The following PDGFRB variants were observed in gnomAD, a reference collection of about 807,000 sequenced individuals.
The protein encoded by PDGFRB is platelet-derived growth factor receptor beta.
A neutral mutation model predicts 120.2 loss-of-function variants in PDGFRB; 42 were observed. That is an observed-to-expected ratio of 0.35 (90% CI 0.27 to 0.45). The LOEUF (loss-of-function observed/expected upper bound fraction) is 0.45, where lower values mean the gene tolerates loss of function less well. PDGFRB is among the 20% of genes least tolerant of loss of function. The pLI is 1.00. For synonymous variants in PDGFRB, 586 were observed against 606.8 expected (o/e 0.97, Z 0.50); for missense variants, 1,149 against 1,476.3 (o/e 0.78, Z 3.63).
In PDGFRB at chr5:150,118,802, G is replaced by T; in HGVS notation, c.2849C>A (p.Pro950His). The T allele has an allele frequency of 1.9e-6, 3 of 1,613,642 alleles. No individual in the cohort carries two copies. The South Asian group carries it at 3.3e-5, about 18-fold the overall frequency. Residue 950 changes from proline (P) to histidine (H), a missense_variant, in exon 21 of 23, where the codon CCC (proline) becomes CAC (histidine). Coordinates refer to ENST00000261799, the MANE Select transcript of PDGFRB (RefSeq NM_002609.4). The part of the protein sequence containing the change: ...CWEEKFEIRP[P>H]FSQLVLLLER... ...GAGAAGCAGCACCAGCTGGGAGAAG[G>T]GGGGCCGAATCTCAAACTTCTCTTC... is the stretch of plus-strand genomic sequence containing the variant.
chr5:150,122,961 C>T (rs1430789281), intron 15 of PDGFRB, 81 bp downstream of exon 15: 1 of 1,281,474 alleles, frequency 7.8e-7, no homozygotes, highest in Non-Finnish European at 1.1e-6. Flanking sequence ...GCCTCAGCTT[C>T]CCCTCCTGGA....
At chr5:150,133,458 T>G in intron 6 of PDGFRB, 128 bp downstream of exon 6, 1 of 783,666 alleles carries the variant, frequency 1.3e-6, no homozygotes. Flanking sequence ...TGACAGGCAC[T>G]GGGTCCAGCT....
rs1760148796 is a variant in PDGFRB at position 150,121,942 on chromosome 5, A to G, written c.2282T>C (p.Val761Ala). 1 of 1,613,386 alleles carries G rather than the reference A, an allele frequency of 6.2e-7. No homozygotes were observed. The highest frequency in any genetic ancestry group is 1.1e-5 in the South Asian group (1 of 91,058). Residue 761 changes from valine (V) to alanine (A), a missense_variant, in exon 16 of 23, where the codon GTC (valine) becomes GCC (alanine). By Grantham distance (64) the Val-to-Ala change is moderately conservative. Transcript: ENST00000261799. This position sits in a 1 kb window ranked among gnomAD's most constrained non-coding sequence, Gnocchi z 4.1. ...YVPMLDMKGD[V>A]KYADIESSNY... Reference sequence around the variant, plus strand: ...GGAGGACTCGATGTCTGCATATTTGACGTCTCCTTTCATGTCCAGCATGGG... The same window carrying G: ...GGAGGACTCGATGTCTGCATATTTGGCGTCTCCTTTCATGTCCAGCATGGG...
chr5:150,151,452 C>T (rs962595266), intron 1 of PDGFRB, among the ~76,000 whole-genome samples: 1 of 152,254 alleles, frequency 6.6e-6, no homozygotes, highest in African/African-American at 2.4e-5. Flanking sequence ...CCCATCCAGC[C>T]TCTCATCAAG....
chr5:150,121,966 G>T lies in PDGFRB; in HGVS notation c.2258C>A (p.Pro753His). 6.2e-7 allele frequency: 1 copy of T among 1,613,308 alleles called. No individual in the cohort carries two copies. Among genetic ancestry groups the T allele is most frequent in the Non-Finnish European group, 8.5e-7 (1 of 1,179,292 alleles). Reference sequence around the variant, plus strand: ...GACGTCTCCTTTCATGTCCAGCATGGGCACATAGTCCACCGACTCGTCCTT... The same window carrying T: ...GACGTCTCCTTTCATGTCCAGCATGTGCACATAGTCCACCGACTCGTCCTT... ...MSKDESVDYVPMLDMKGDVKY... is the reference protein window; with the variant it reads ...MSKDESVDYVHMLDMKGDVKY... The change falls in exon 16 of 23, where the codon CCC (proline) becomes CAC (histidine). Residue 753 changes from proline to histidine, a missense_variant. Around this residue, in one of 3 missense-constraint regions of PDGFRB, gnomAD observed 879 missense variants for 1,108.6 expected, o/e 0.79. Transcript: ENST00000261799. This position sits in a 1 kb window ranked among gnomAD's most constrained non-coding sequence, Gnocchi z 4.1.
At chr5:150,142,716 T>G (rs2113922129) in intron 1 of PDGFRB, among the ~76,000 whole-genome samples, 1 of 152,296 alleles carries the variant, frequency 6.6e-6, no homozygotes, top group South Asian at 2.1e-4. Context: ...TACTATGTTC[T>G]TTTCCCTGCA....
At chr5:150,130,804 A>G in intron 8 of PDGFRB, 142 bp from the exon 9 acceptor site, 9 of 738,514 alleles carry the variant, frequency 1.2e-5, no homozygotes, top group Non-Finnish European at 2.1e-5. Context: ...ACCAGGAATC[A>G]GTGTGAAAAC....
chr5:150,143,806 T>C (rs1169328129), intron 1 of PDGFRB, among the ~76,000 whole-genome samples: 1 of 152,038 alleles, frequency 6.6e-6, no homozygotes, highest in African/African-American at 2.4e-5. Context: ...TTCAATCCTA[T>C]GCTCGCTCCA....
At chr5:150,148,624 G>T (rs1482456616) in intron 1 of PDGFRB, among the ~76,000 whole-genome samples, 1 of 152,264 alleles carries the variant, frequency 6.6e-6, no homozygotes, top group Non-Finnish European at 1.5e-5. Flanking sequence ...CCAAGCCCCA[G>T]TTCTCTGAGT....
Position 150,120,838 on chromosome 5 carries a change from G to A in PDGFRB, c.2586+50C>T. The A allele has an allele frequency of 6.3e-7, 1 of 1,583,868 alleles. No homozygotes were observed. ...ACTGGTCAGGAGGGAATCTGTTCCT[G>A]CGGTCACAGGCACTGTGACTGCCCT... On this transcript the variant is annotated intron_variant, in intron 18 of 22. Coordinates refer to ENST00000261799, the MANE Select transcript of PDGFRB (RefSeq NM_002609.4). This position sits in a 1 kb window ranked among gnomAD's most constrained non-coding sequence, Gnocchi z 4.3.
Position 150,129,870 on chromosome 5 carries a change from A to G in PDGFRB, c.1466T>C (p.Phe489Ser). 1 of 1,614,070 alleles carries G rather than the reference A, an allele frequency of 6.2e-7. No homozygotes were observed. The change falls in exon 10 of 23, where the codon TTT (phenylalanine) becomes TCT (serine). Residue 489 changes from phenylalanine to serine, a missense_variant. Phe to Ser is a radical substitution (Grantham distance 155, BLOSUM62 -2). Around this residue, in one of 3 missense-constraint regions of PDGFRB, gnomAD observed 879 missense variants for 1,108.6 expected, o/e 0.79. Transcript: ENST00000261799. ...NVTYWEEEQE[F>S]EVVSTLRLQH... ...CAGACGCAGTGTGCTCACCACCTCAAACTCCTGCTCCTCCTCCCAGTACGT... is the reference window on the plus strand; with the variant it reads ...CAGACGCAGTGTGCTCACCACCTCAGACTCCTGCTCCTCCTCCCAGTACGT...
rs571448581 is a variant in PDGFRB, at chr5:150,118,525, C to T, written c.2904+222G>A. On this transcript the variant is annotated intron_variant, in intron 21 of 22. Coordinates refer to ENST00000261799, the MANE Select transcript of PDGFRB (RefSeq NM_002609.4). ...TCTAGGCCCCCTCCCTGCATCTAAT[C>T]GATCAGCTTCCATGTAGGATTCCAT... Among the ~76,000 whole-genome samples the T allele has an allele frequency of 9.8e-5, 15 of 152,288 alleles. No individual in the cohort carries two copies. In the South Asian group the frequency reaches 2.7e-3, roughly 27 times the overall value.
chr5:150,134,886 C>T lies in PDGFRB; in HGVS notation c.495G>A (p.Gly165=), dbSNP rs535834859. Residue 165 remains glycine, a synonymous_variant, in exon 4 of 23, where the codon GGG becomes GGA. Coordinates refer to ENST00000261799, the MANE Select transcript of PDGFRB (RefSeq NM_002609.4). The stretch of plus-strand genomic sequence containing the variant: ...CATAGGGGACAGGCAGTGCAACGTC[C>T]CCTTTCTTCTCGTGCAGTGTCACCA... ...QLVVTLHEKK[G]DVALPVPYDH... The T allele has an allele frequency of 1.9e-6, 3 of 1,614,160 alleles. No homozygotes were observed. The highest frequency in any genetic ancestry group is 3.3e-5 in the Admixed American group (2 of 60,026).
intron 1 of PDGFRB, among the ~76,000 whole-genome samples, chr5:150,142,670 A>G (rs1033394690): frequency 3.3e-5 from 5 of 149,788 alleles, no homozygotes; most frequent in Non-Finnish European, 2.9e-5. Flanking sequence ...GCCCCAGTAG[A>G]TGCCTGAAAC....
Position 150,145,807 on chromosome 5 carries a change from A to G in PDGFRB, c.-6-8754T>C, listed in dbSNP as rs558012933. Among the ~76,000 whole-genome samples the G allele has an allele frequency of 2.0e-5, 3 of 152,336 alleles. No homozygotes were observed. The South Asian group carries it at 6.2e-4, about 32-fold the overall frequency. ...TCCCAGCTTCTCGGGAGGCTGAGTC[A>G]GGAGAATTGCTTGAACCCGAGATCG... On this transcript the variant is annotated intron_variant, in intron 1 of 22. Transcript: ENST00000261799.
At chr5:150,124,665 T>G in intron 13 of PDGFRB, 62 bp downstream of exon 13, 4 of 788,806 alleles carry the variant, frequency 5.1e-6, no homozygotes, top group Non-Finnish European at 8.6e-6. Context: ...AGAGGCTAAG[T>G]GTGTGGGGAG....
At chr5:150,136,952 C>A in intron 2 of PDGFRB, 56 bp downstream of exon 2, 2 of 1,362,738 alleles carry the variant, frequency 1.5e-6, no homozygotes, top group Non-Finnish European at 2.1e-6. Flanking sequence ...CCTGCCAGCT[C>A]CAGGGTTCCA....
At chr5:150,117,540 G>GCA (rs1554107262) in intron 22 of PDGFRB, 78 bp downstream of exon 22, 229 of 593,008 alleles carry the variant, frequency 3.9e-4, no homozygotes, top group East Asian at 1.7e-3. Flanking sequence ...GCGCGCGCGC[G>GCA]CGCGCACACA....
chr5:150,124,998 T>C lies in PDGFRB; in HGVS notation c.1808-167A>G, dbSNP rs1489997531. Among the ~76,000 whole-genome samples, 6 of 148,890 alleles carry C rather than the reference T, an allele frequency of 4.0e-5. No individual in the cohort carries two copies. The East Asian group carries it at 6.1e-4, about 15-fold the overall frequency. ...CAACCTAGACATTACTTAAACCACC[T>C]TGGACTCAGGATATTCCCTAAACAC... On this transcript the variant is annotated intron_variant, in intron 12 of 22. Transcript: ENST00000261799.
Sources: allele counts gnomAD v4.1 joint callset (sites outside exome capture counted in the v4.1 genomes callset), GRCh38; gene constraint gnomAD v4.1.1; regional missense constraint gnomAD v4.1.1; non-coding constraint Gnocchi (gnomAD v3.1); transcripts MANE v1.5; gene names NCBI Gene and HGNC (gene_info 2026-07-23, HGNC 2026-07-21).